Variants in MYCT1 observed in about 807,000 individuals in gnomAD.
The protein encoded by MYCT1 is myc target protein 1.
A neutral mutation model predicts 15.0 loss-of-function variants in MYCT1; 12 were observed. The ratio of observed to expected loss-of-function variants is 0.80; its 90% confidence interval spans 0.51 to 1.29. MYCT1 has a LOEUF of 1.29. Ranked by LOEUF, MYCT1 falls within the 50% of genes most tolerant of loss-of-function variation. MYCT1 has a pLI of 0.00. For synonymous variants in MYCT1, 104 were observed against 102.7 expected (o/e 1.01, Z -0.07); for missense variants, 287 against 279.1 (o/e 1.03, Z -0.20).
intron 1 of MYCT1, among the ~76,000 whole-genome samples, chr6:152,707,654 G>C (rs2099722526): frequency 6.6e-6 from 1 of 151,894 alleles, no homozygotes; most frequent in African/African-American, 2.4e-5. Context: ...CTTTAATCCA[G>C]TTTGACTTGA....
At position 152,723,302 on chromosome 6, in the gene MYCT1, G is replaced by GA. The variant is rs1354353395; in HGVS notation, c.*1053dup. 1 of 152,100 alleles carries GA rather than the reference G, an allele frequency of 6.6e-6. No individual in the cohort carries two copies. The highest frequency in any genetic ancestry group is 1.5e-5 in the Non-Finnish European group (1 of 68,016). 9.4% of individuals were successfully genotyped at this position (152,100 alleles called of 1,614,324 possible). On this transcript the variant is annotated 3_prime_UTR_variant, in exon 2 of 2. Transcript: ENST00000367245. ...CTTCACCGTTGTCGTTACATTGTTA[G>GA]AAAAGCAACAGGAAAAAATCCAATT...
intron 1 of MYCT1, among the ~76,000 whole-genome samples, chr6:152,701,403 C>T (rs751563858): frequency 6.6e-6 from 1 of 152,110 alleles, no homozygotes; most frequent in Non-Finnish European, 1.5e-5. Context: ...TGTGTGTGGT[C>T]GTTTCAGGGA....
the MYCT1 span, among the ~76,000 whole-genome samples, chr6:152,739,487 T>A: frequency 6.6e-6 from 1 of 151,932 alleles, no homozygotes; most frequent in Non-Finnish European, 1.5e-5. Context: ...GAAGAGAATT[T>A]AAAAATTTTG....
chr6:152,718,860 C>T (rs2099724207), intron 1 of MYCT1, among the ~76,000 whole-genome samples: 2 of 151,904 alleles, frequency 1.3e-5, no homozygotes, highest in South Asian at 4.2e-4. Context: ...TGCTTATATA[C>T]TGAGATATTT....
chr6:152,740,111 A>G, the MYCT1 span, among the ~76,000 whole-genome samples: 1 of 152,100 alleles, frequency 6.6e-6, no homozygotes, highest in African/African-American at 2.4e-5. Context: ...CAATGGTGCA[A>G]TCTCAGCTCA....
rs775358515 is a variant in MYCT1 at position 152,722,986 on chromosome 6, C to T, written c.*733C>T. 45 of 157,864 alleles carry T rather than the reference C, an allele frequency of 2.9e-4. No individual in the cohort carries two copies. Among genetic ancestry groups the T allele is most frequent in the Admixed American group, 3.8e-4 (6 of 15,808 alleles). The allele number at this position is 157,864 out of a possible 1,614,324, so 9.8% of individuals were successfully genotyped here. On this transcript the variant is annotated 3_prime_UTR_variant, in exon 2 of 2. Transcript: ENST00000367245. ...CAAACTCCTAAACTCAGATGATCCT[C>T]CTGCCTCGGCCTCCCAAAGTGCTGG...
chr6:152,729,686 G>T, the MYCT1 span, among the ~76,000 whole-genome samples: 2 of 152,182 alleles, frequency 1.3e-5, no homozygotes, highest in African/African-American at 4.8e-5. Context: ...AACTCAGACT[G>T]CAGACTCCCC....
At chr6:152,743,111 A>C in the MYCT1 span, among the ~76,000 whole-genome samples, 1 of 152,242 alleles carries the variant, frequency 6.6e-6, no homozygotes, top group East Asian at 1.9e-4. Flanking sequence ...GCTGGAGTGC[A>C]GTCACATGAT....
chr6:152,739,131 T>C, the MYCT1 span, among the ~76,000 whole-genome samples: 2 of 151,906 alleles, frequency 1.3e-5, no homozygotes, highest in Non-Finnish European at 2.9e-5. Flanking sequence ...TTGGGAGTTT[T>C]ATATTTCTCT....
intron 1 of MYCT1, among the ~76,000 whole-genome samples, chr6:152,701,912 G>T (rs1188509797): frequency 6.6e-6 from 1 of 152,156 alleles, no homozygotes; most frequent in African/African-American, 2.4e-5. Flanking sequence ...TCCTTAGGAG[G>T]TTGGGCTACA....
chr6:152,733,522 G>C, the MYCT1 span, among the ~76,000 whole-genome samples: 1 of 152,132 alleles, frequency 6.6e-6, no homozygotes, highest in African/African-American at 2.4e-5. Flanking sequence ...GTGCCTTGGA[G>C]GAAAAAGGGA....
the MYCT1 span, among the ~76,000 whole-genome samples, chr6:152,745,222 A>G: frequency 6.6e-6 from 1 of 152,206 alleles, no homozygotes; most frequent in Non-Finnish European, 1.5e-5. Flanking sequence ...ACTATACACA[A>G]TTCAAGGCCA....
At chr6:152,714,042 G>C (rs1003653070) in intron 1 of MYCT1, among the ~76,000 whole-genome samples, 1 of 151,904 alleles carries the variant, frequency 6.6e-6, no homozygotes, top group Non-Finnish European at 1.5e-5. Context: ...ATTATTACTT[G>C]AAAGGGTCAG....
At chr6:152,733,588 G>A in the MYCT1 span, among the ~76,000 whole-genome samples, 5 of 152,162 alleles carry the variant, frequency 3.3e-5, no homozygotes, top group Admixed American at 1.3e-4. Flanking sequence ...CCTGTGAATG[G>A]GGTTTTCAAG....
chr6:152,732,816 T>G, the MYCT1 span, among the ~76,000 whole-genome samples: 2 of 151,942 alleles, frequency 1.3e-5, no homozygotes, highest in Admixed American at 1.3e-4. Flanking sequence ...AATATTGGAG[T>G]GAAGCAGCCA....
At chr6:152,738,044 T>C in the MYCT1 span, among the ~76,000 whole-genome samples, 1 of 152,098 alleles carries the variant, frequency 6.6e-6, no homozygotes, top group South Asian at 2.1e-4. Flanking sequence ...AGAATATCTT[T>C]ATTTGTAACA....
the MYCT1 span, among the ~76,000 whole-genome samples, chr6:152,730,205 A>G: frequency 1.3e-5 from 2 of 152,186 alleles, no homozygotes; most frequent in East Asian, 1.9e-4. Flanking sequence ...TACTCCCTTC[A>G]CATTTATCTA....
the MYCT1 span, among the ~76,000 whole-genome samples, chr6:152,733,648 T>C: frequency 1.3e-5 from 2 of 152,206 alleles, no homozygotes; most frequent in Non-Finnish European, 2.9e-5. Flanking sequence ...ATGGAGCTTT[T>C]TAAAGAAGCT....
intron 1 of MYCT1, among the ~76,000 whole-genome samples, chr6:152,699,334 T>C (rs1341295440): frequency 6.6e-6 from 1 of 152,152 alleles, no homozygotes; most frequent in Non-Finnish European, 1.5e-5. Context: ...TAACTCATTC[T>C]TTTTTTCTCA....
Sources: gnomAD v4.1 joint callset for allele counts (sites outside exome capture counted in the v4.1 genomes callset) on GRCh38, gnomAD v4.1.1 for gene constraint, MANE v1.5 for transcripts, NCBI Gene and HGNC (gene_info 2026-07-23, HGNC 2026-07-21) for gene names.